Variants in HPCAL1 observed in about 807,000 individuals in gnomAD.
The protein encoded by HPCAL1 is hippocalcin-like protein 1.
Under a neutral mutation model 17.1 loss-of-function variants are expected in HPCAL1, and 8 were observed. That is an observed-to-expected ratio of 0.47 (90% CI 0.27 to 0.84). The LOEUF (loss-of-function observed/expected upper bound fraction) is 0.84, where lower values mean the gene tolerates loss of function less well. HPCAL1 is among the 40% of genes least tolerant of loss of function. The pLI, the probability that HPCAL1 is intolerant of heterozygous loss-of-function variation, is 0.13. For synonymous variants in HPCAL1, 112 were observed against 111.4 expected, an observed-to-expected ratio of 1.01 and a Z score of -0.03; for missense variants, 165 against 271.1, an observed-to-expected ratio of 0.61 and a Z score of 2.75.
In HPCAL1 at chr2:10,323,396, A is replaced by G. The variant is rs2125405921; in HGVS notation, c.-111+20219A>G. On this transcript the variant is annotated intron_variant, in intron 1 of 4. Transcript: ENST00000307845. This position sits in a 1 kb window ranked among gnomAD's most constrained non-coding sequence, Gnocchi z 4.6. ...TTCCAGTAGACAGAGTGCCCTGGCC[A>G]GCAGAGGCCAAACACATTCCCATTC... Among the ~76,000 whole-genome samples the G allele has an allele frequency of 6.6e-6, 1 of 152,360 alleles. No homozygotes were observed. Among genetic ancestry groups the G allele is most frequent in the South Asian group, 2.1e-4 (1 of 4,830 alleles).
chr2:10,392,066 G>A (rs1157350903), intron 1 of HPCAL1, among the ~76,000 whole-genome samples: 2 of 151,366 alleles, frequency 1.3e-5, no homozygotes, highest in Non-Finnish European at 1.5e-5. Flanking sequence ...TTTTTAAGAC[G>A]TGGTCTCGAT....
chr2:10,339,465 C>T (rs1307641124), intron 1 of HPCAL1, among the ~76,000 whole-genome samples: 2 of 152,110 alleles, frequency 1.3e-5, no homozygotes, highest in African/African-American at 2.4e-5. Context: ...CCACCATGCC[C>T]GGCTAATTTT....
At chr2:10,383,088 T>G (rs1031110201) in intron 1 of HPCAL1, among the ~76,000 whole-genome samples, 7 of 152,170 alleles carry the variant, frequency 4.6e-5, no homozygotes, top group Non-Finnish European at 1.0e-4. Flanking sequence ...AAAAGGTGAA[T>G]CTGGCTGGGC....
chr2:10,358,521 A>C (rs565468112), intron 1 of HPCAL1, among the ~76,000 whole-genome samples: 23 of 152,306 alleles, frequency 1.5e-4, no homozygotes, highest in African/African-American at 5.3e-4. Context: ...TCCTGTGCCT[A>C]TAAAAACCGC....
chr2:10,344,366 A>G lies in HPCAL1; in HGVS notation c.-111+41189A>G, dbSNP rs1204637314. 1.3e-5 allele frequency among the ~76,000 whole-genome samples: 2 copies of G among 152,218 alleles called. No homozygotes were observed. Among genetic ancestry groups the G allele is most frequent in the Non-Finnish European group, 2.9e-5 (2 of 68,046 alleles). On this transcript the variant is annotated intron_variant, in intron 1 of 4. Transcript: ENST00000307845. The surrounding 1 kb of genome is among the most constrained non-coding windows in gnomAD (Gnocchi z 4.9). ...CATGTGCCAGCAAGGGGGGCCCCGA[A>G]GTGCCGCTAGGTGCCTCACGATTAG... is the stretch of plus-strand genomic sequence containing the variant.
chr2:10,419,913 C>T lies in HPCAL1; in HGVS notation c.156C>T (p.Tyr52=). 7 of 1,613,912 alleles carry T rather than the reference C, an allele frequency of 4.3e-6. No homozygotes were observed. Among genetic ancestry groups the T allele is most frequent in the South Asian group, 1.1e-5 (1 of 91,088 alleles). The change falls in exon 3 of 5, where the codon TAC becomes TAT. Residue 52 remains tyrosine (Y), a synonymous_variant. Transcript: ENST00000307845. The surrounding 1 kb of genome is among the most constrained non-coding windows in gnomAD (Gnocchi z 5.0). ...HLTVDEFKKI[Y]ANFFPYGDAS... Reference sequence around the variant, plus strand: ...CCGTGGACGAGTTCAAGAAGATCTACGCCAACTTCTTCCCCTACGGCGACG... The same window carrying T: ...CCGTGGACGAGTTCAAGAAGATCTATGCCAACTTCTTCCCCTACGGCGACG...
chr2:10,414,268 C>T (rs1670519478), intron 2 of HPCAL1, among the ~76,000 whole-genome samples: 1 of 152,214 alleles, frequency 6.6e-6, no homozygotes, highest in Non-Finnish European at 1.5e-5. Flanking sequence ...GGTCAGTTCC[C>T]CAAGGGTGGC....
intron 1 of HPCAL1, among the ~76,000 whole-genome samples, chr2:10,316,578 G>C (rs1663327772): frequency 1.3e-5 from 2 of 152,184 alleles, no homozygotes; most frequent in Non-Finnish European, 2.9e-5. Context: ...TTTTTCAGAG[G>C]TTTAATCTGT....
At chr2:10,399,424 T>TCACCACCACCACCACCACCACCACCAC (rs1558518268) in intron 2 of HPCAL1, among the ~76,000 whole-genome samples, 3 of 8,696 alleles carry the variant, frequency 3.4e-4, no homozygotes, top group Non-Finnish European at 4.2e-4. Flanking sequence ...ACCACCACCA[T>TCACCACCACCACCACCACCACCACCAC]CACCACCACC....
intron 1 of HPCAL1, among the ~76,000 whole-genome samples, chr2:10,389,079 G>A (rs2125557804): frequency 6.6e-6 from 1 of 152,276 alleles, no homozygotes; most frequent in African/African-American, 2.4e-5. Context: ...AACAGGGCCA[G>A]GGTAGAAACA....
At position 10,345,396 on chromosome 2, in the gene HPCAL1, T is replaced by G. The variant is rs193262686; in HGVS notation, c.-111+42219T>G. Among the ~76,000 whole-genome samples the G allele has an allele frequency of 1.3e-3, 200 of 152,336 alleles. 1 individual carries two copies. The highest frequency in any genetic ancestry group is 4.6e-3 in the African/African-American group (193 of 41,564). The stretch of plus-strand genomic sequence containing the variant: ...AAATGGAAGCACTACTTCACAGTGC[T>G]GTTGTGTGGGTCAAGATGAGATGAA... On this transcript the variant is annotated intron_variant, in intron 1 of 4. Transcript: ENST00000307845.
chr2:10,354,932 A>C lies in HPCAL1; in HGVS notation c.-110-41903A>C, dbSNP rs1382094756. 6.6e-6 allele frequency among the ~76,000 whole-genome samples: 1 copy of C among 152,192 alleles called. No homozygotes were observed. The highest frequency in any genetic ancestry group is 1.5e-5 in the Non-Finnish European group (1 of 68,032). On this transcript the variant is annotated intron_variant, in intron 1 of 4. Transcript: ENST00000307845. The surrounding 1 kb of genome is among the most constrained non-coding windows in gnomAD (Gnocchi z 5.1). Reference sequence around the variant, plus strand: ...AATTGAATTCAACAAGCCCCTGGGCACCCACCGTGCACCAGGCACTGTGTT... The same window carrying C: ...AATTGAATTCAACAAGCCCCTGGGCCCCCACCGTGCACCAGGCACTGTGTT...
At chr2:10,316,995 G>A (rs913325259) in intron 1 of HPCAL1, among the ~76,000 whole-genome samples, 11 of 152,064 alleles carry the variant, frequency 7.2e-5, no homozygotes, top group Admixed American at 7.2e-4. Flanking sequence ...CTGGGCCCTC[G>A]GGTTATTACA....
chr2:10,355,907 C>T (rs528580514), intron 1 of HPCAL1, among the ~76,000 whole-genome samples: 9 of 152,176 alleles, frequency 5.9e-5, no homozygotes, highest in African/African-American at 1.4e-4. Context: ...ACCGGGAGCC[C>T]CTGCCGGAGG....
chr2:10,400,478 C>G (rs960629548), intron 2 of HPCAL1, among the ~76,000 whole-genome samples: 1 of 152,212 alleles, frequency 6.6e-6, no homozygotes, highest in African/African-American at 2.4e-5. Context: ...CTTGCCTCCC[C>G]TCTAGTGCTG....
At chr2:10,405,386 C>A (rs559893445) in intron 2 of HPCAL1, among the ~76,000 whole-genome samples, 1 of 152,374 alleles carries the variant, frequency 6.6e-6, no homozygotes, top group African/African-American at 2.4e-5. Flanking sequence ...GGCATGGCTC[C>A]AAGACCCTGG....
In HPCAL1 at chr2:10,367,217, T is replaced by C. The variant is rs1005196577; in HGVS notation, c.-110-29618T>C. ...TCTCTCAAAATAGGCTGAGACTTTT[T>C]ACAGTTAGATATTTAATATACAGAT... On this transcript the variant is annotated intron_variant, in intron 1 of 4. Transcript: ENST00000307845. The surrounding 1 kb of genome is among the most constrained non-coding windows in gnomAD (Gnocchi z 4.4). Among the ~76,000 whole-genome samples the C allele has an allele frequency of 1.3e-5, 2 of 151,976 alleles. No individual in the cohort carries two copies. The highest frequency in any genetic ancestry group is 2.9e-5 in the Non-Finnish European group (2 of 68,014).
chr2:10,384,076 G>T lies in HPCAL1; in HGVS notation c.-110-12759G>T, dbSNP rs898736653. Among the ~76,000 whole-genome samples, 3 of 151,982 alleles carry T rather than the reference G, an allele frequency of 2.0e-5. No homozygotes were observed. The highest frequency in any genetic ancestry group is 4.2e-4 in the South Asian group (2 of 4,818). On this transcript the variant is annotated intron_variant, in intron 1 of 4. Coordinates refer to ENST00000307845, the MANE Select transcript of HPCAL1 (RefSeq NM_002149.4). The surrounding 1 kb of genome is among the most constrained non-coding windows in gnomAD (Gnocchi z 4.4). ...CTGGTGGCTCTGGATTGGTAAGCTG[G>T]CTCCATGGCAAGAATCAGCATCCTA...
chr2:10,424,655 C>T (rs1376129979), intron 4 of HPCAL1: 3 of 470,364 alleles, frequency 6.4e-6, no homozygotes, highest in South Asian at 4.6e-5. Context: ...GCTAATGTGC[C>T]TGCTGGGATG....
Sources: allele counts gnomAD v4.1 joint callset (sites outside exome capture counted in the v4.1 genomes callset), GRCh38; gene constraint gnomAD v4.1.1; non-coding constraint Gnocchi (gnomAD v3.1); transcripts MANE v1.5; gene names NCBI Gene and HGNC (gene_info 2026-07-23, HGNC 2026-07-21).